The following KMT2E variants were observed in gnomAD, a reference collection of about 807,000 sequenced individuals.
KMT2E encodes the protein lysine methyltransferase 2E (inactive).
Under a neutral mutation model 184.6 loss-of-function variants are expected in KMT2E, and 30 were observed. The ratio of observed to expected loss-of-function variants is 0.16; its 90% CI spans 0.12 to 0.22. The LOEUF is 0.22. Among genes scored for constraint, KMT2E ranks in the 10% least tolerant of loss-of-function variants. The pLI is 1.00. For missense variants in KMT2E, 2,023 were observed against 2,237.4 expected (o/e 0.90, Z 1.93); for synonymous variants, 815 against 776.5 (o/e 1.05, Z -0.82).
Position 105,090,197 on chromosome 7 carries a change from C to A in KMT2E, c.1547C>A (p.Thr516Lys). 1 of 1,610,552 alleles carries A rather than the reference C, an allele frequency of 6.2e-7. No homozygotes were observed. Among genetic ancestry groups the A allele is most frequent in the Non-Finnish European group, 8.5e-7 (1 of 1,179,240 alleles). ...NQNITLDCEGTTNKMKSPETK... is the reference protein window; with the variant it reads ...NQNITLDCEGKTNKMKSPETK... ...AATATTACTTTGGATTGTGAAGGAA[C>A]GACCAACAAAATGAAGAGCCCAGAA... Residue 516 changes from threonine to lysine, a missense_variant, in exon 14 of 27, where the codon ACG (threonine) becomes AAG (lysine). Thr to Lys is a moderately conservative substitution (Grantham distance 78). Transcript: ENST00000311117.
intron 1 of KMT2E, among the ~76,000 whole-genome samples, chr7:105,036,352 AGGGACACG>A (rs1297878241): frequency 1.3e-5 from 2 of 151,700 alleles, no homozygotes; most frequent in Non-Finnish European, 2.9e-5. Context: ...TATTTTTAGT[AGGGACACG>A]GTTACACCAT....
At chr7:105,105,404 C>CAT in intron 17 of KMT2E, 35 bp from the exon 18 acceptor site, 1 of 1,487,198 alleles carries the variant, frequency 6.7e-7, no homozygotes, top group Non-Finnish European at 9.1e-7. Context: ...TTTGGAATTA[C>CAT]ATATATAATG....
chr7:105,015,210 T>C (rs954916904), intron 1 of KMT2E, among the ~76,000 whole-genome samples: 10 of 152,184 alleles, frequency 6.6e-5, no homozygotes, highest in Non-Finnish European at 1.3e-4. Context: ...CCTTAGGATC[T>C]ACAATATGGC....
intron 3 of KMT2E, among the ~76,000 whole-genome samples, chr7:105,058,401 C>T (rs1029596): frequency 1.3e-5 from 2 of 151,900 alleles, no homozygotes; most frequent in Non-Finnish European, 2.9e-5. Flanking sequence ...CTACCTAAGA[C>T]TCTTAGCATC....
chr7:105,034,305 T>C (rs752815755), intron 1 of KMT2E, among the ~76,000 whole-genome samples: 10 of 152,154 alleles, frequency 6.6e-5, no homozygotes, highest in Non-Finnish European at 1.3e-4. Context: ...TGATCACAGC[T>C]TGCTGTAATC....
Position 105,105,938 on chromosome 7 carries a change from G to C in KMT2E, c.2531G>C (p.Arg844Thr). ...RFNSPCQERS[R>T]SPAVNGENKS... ...AATTCACCCTGTCAAGAAAGATCCA[G>C]AAGTCCTGCAGTCAATGGTGAAAAT... The change falls in exon 19 of 27, where the codon AGA (arginine) becomes ACA (threonine). Residue 844 changes from arginine (R) to threonine (T), a missense_variant. By Grantham distance (71) the Arg-to-Thr change is moderately conservative. Coordinates refer to ENST00000311117, the MANE Select transcript of KMT2E (RefSeq NM_182931.3). The C allele has an allele frequency of 1.2e-6, 2 of 1,613,762 alleles. No homozygotes were observed. Among genetic ancestry groups the C allele is most frequent in the Non-Finnish European group, 1.7e-6 (2 of 1,179,798 alleles).
intron 1 of KMT2E, among the ~76,000 whole-genome samples, chr7:105,031,110 A>G (rs1174259238): frequency 6.6e-6 from 1 of 152,070 alleles, no homozygotes; most frequent in Non-Finnish European, 1.5e-5. Flanking sequence ...TAATCCTAAC[A>G]CCTTGGGAGG....
At chr7:105,033,465 T>A (rs1299373350) in intron 1 of KMT2E, among the ~76,000 whole-genome samples, 1 of 152,128 alleles carries the variant, frequency 6.6e-6, no homozygotes, top group Non-Finnish European at 1.5e-5. Flanking sequence ...GAAGGTTTTT[T>A]GTATTTTTGT....
intron 15 of KMT2E, among the ~76,000 whole-genome samples, chr7:105,091,992 A>G (rs147058481): frequency 2.6e-5 from 4 of 152,364 alleles, no homozygotes; most frequent in African/African-American, 9.6e-5. Flanking sequence ...TGACTTTACA[A>G]ACTGACTGAT....
Position 105,073,399 on chromosome 7 carries a change from GAAAA to G in KMT2E, c.498-203_498-200del, listed in dbSNP as rs35148101. On this transcript the variant is annotated intron_variant, in intron 6 of 26. Coordinates refer to ENST00000311117, the MANE Select transcript of KMT2E (RefSeq NM_182931.3). Reference sequence around the variant, plus strand: ...GTGATAGGGTGAGACCCTGTCTGGGGAAAAAAAAAAAAAAAAAAAATCAGAGTGA... The same window carrying G: ...GTGATAGGGTGAGACCCTGTCTGGGGAAAAAAAAAAAAAAAATCAGAGTGA... Among the ~76,000 whole-genome samples, 542 of 112,440 alleles carry G rather than the reference GAAAA, an allele frequency of 4.8e-3. 14 individuals are homozygous for G. The East Asian group carries it at 0.076, about 16-fold the overall frequency. 73.8% of individuals were successfully genotyped at this position (112,440 alleles called of 152,430 possible).
chr7:105,054,298 A>G (rs943085614), intron 3 of KMT2E, among the ~76,000 whole-genome samples: 1 of 152,062 alleles, frequency 6.6e-6, no homozygotes, highest in Middle Eastern at 3.2e-3. Context: ...ATTGTATCAG[A>G]TGAACCTAAT....
intron 1 of KMT2E, among the ~76,000 whole-genome samples, chr7:105,020,187 T>TACACA (rs1391415205): frequency 6.6e-6 from 1 of 152,128 alleles, no homozygotes; most frequent in Non-Finnish European, 1.5e-5. Context: ...AAGATGATAT[T>TACACA]GTGTAATCAC....
chr7:105,075,332 G>A (rs1323123241), intron 8 of KMT2E, among the ~76,000 whole-genome samples: 1 of 152,038 alleles, frequency 6.6e-6, no homozygotes. Flanking sequence ...GGTTGAGGGG[G>A]ATAGGAATTA....
At chr7:105,076,917 T>A (rs1433118821) in intron 9 of KMT2E, 46 bp from the exon 10 acceptor site, 1 of 882,538 alleles carries the variant, frequency 1.1e-6, no homozygotes, top group African/African-American at 1.8e-5. Context: ...TGTGTGTGTG[T>A]GTAAGTCCGT....
chr7:105,083,601 A>G (rs1297471975), intron 13 of KMT2E, among the ~76,000 whole-genome samples: 3 of 152,228 alleles, frequency 2.0e-5, no homozygotes, highest in East Asian at 1.9e-4. Flanking sequence ...AGATAAGGGC[A>G]GTCCTGATCA....
At position 105,074,835 on chromosome 7, in the gene KMT2E, T is replaced by G; in HGVS notation, c.729+20T>G. 6.3e-7 allele frequency: 1 copy of G among 1,580,714 alleles called. No individual in the cohort carries two copies. Among genetic ancestry groups the G allele is most frequent in the South Asian group, 1.2e-5 (1 of 85,492 alleles). ...AAAAAGGTACGTTTTTGCTTGTTTT[T>G]AGGTGAGTGGATAGGATAGCGGATA... On this transcript the variant is annotated intron_variant, in intron 8 of 26. Transcript: ENST00000311117.
intron 13 of KMT2E, among the ~76,000 whole-genome samples, chr7:105,082,741 A>G (rs1030624045): frequency 1.3e-5 from 2 of 152,190 alleles, no homozygotes; most frequent in African/African-American, 4.8e-5. Flanking sequence ...TCATTTCTCT[A>G]AAAATGTTTC....
intron 1 of KMT2E, among the ~76,000 whole-genome samples, chr7:105,016,836 A>G (rs1377398838): frequency 6.6e-6 from 1 of 152,248 alleles, no homozygotes; most frequent in African/African-American, 2.4e-5. Flanking sequence ...GACTGTATCA[A>G]CTAGGTTGAT....
chr7:105,111,151 T>G (rs1799238803), intron 26 of KMT2E: 1 of 320,564 alleles, frequency 3.1e-6, no homozygotes, highest in East Asian at 5.7e-5. Context: ...TCCAGGAAAT[T>G]CATAGCCTTG....
Sources: gnomAD v4.1 joint callset for allele counts (sites outside exome capture counted in the v4.1 genomes callset) on GRCh38, gnomAD v4.1.1 for gene constraint, MANE v1.5 for transcripts, NCBI Gene and HGNC (gene_info 2026-07-23, HGNC 2026-07-21) for gene names.